The following GPR137B variants were observed in gnomAD, a reference collection of about 807,000 sequenced individuals.
The protein encoded by GPR137B is G protein-coupled receptor 137B.
A neutral mutation model predicts 42.5 loss-of-function variants in GPR137B; 42 were observed. The ratio of observed to expected loss-of-function variants is 0.99; its 90% CI spans 0.77 to 1.28. GPR137B has a LOEUF of 1.28. GPR137B is among the 50% of genes most tolerant of loss of function. The probability of loss-of-function intolerance (pLI) is 0.00; values close to 1 mark genes in which losing one functional copy is unlikely to be tolerated. For synonymous variants in GPR137B, 218 were observed against 209.7 expected, an observed-to-expected ratio of 1.04 and a Z score of -0.34; for missense variants, 487 against 493.9, an observed-to-expected ratio of 0.99 and a Z score of 0.13.
At chr1:236,144,414 AAACAAACG>A (rs1437721819) in intron 1 of GPR137B, among the ~76,000 whole-genome samples, 1 of 103,110 alleles carries the variant, frequency 9.7e-6, no homozygotes, top group Non-Finnish European at 1.9e-5. Flanking sequence ...TGTCTCAAAA[AAACAAACG>A]AACAAACAAA....
rs751497511 is a variant in GPR137B at position 236,205,953 on chromosome 1, A to G, written c.1091+703A>G. On this transcript the variant is annotated intron_variant, in intron 6 of 6. Transcript: ENST00000366592. ...CTATGGAATCACTCAATGGAACATG[A>G]TATCTTTAATCACATGTTCTAAAGC... Among the ~76,000 whole-genome samples the G allele has an allele frequency of 2.6e-5, 4 of 152,362 alleles. No individual in the cohort carries two copies. The South Asian group carries it at 6.2e-4, about 24-fold the overall frequency.
chr1:236,188,652 T>G (rs1310774543), intron 5 of GPR137B, among the ~76,000 whole-genome samples: 4 of 152,176 alleles, frequency 2.6e-5, no homozygotes, highest in Non-Finnish European at 5.9e-5. Flanking sequence ...ACCAGCCTTC[T>G]ATCCCAGATA....
intron 5 of GPR137B, among the ~76,000 whole-genome samples, chr1:236,202,464 C>G (rs569946125): frequency 6.6e-6 from 1 of 152,144 alleles, no homozygotes; most frequent in Non-Finnish European, 1.5e-5. Flanking sequence ...TTCCAAGTGT[C>G]TGTGAATTCC....
chr1:236,169,204 G>GCAGGTACAGGTACAGGTA (rs1491443810), intron 2 of GPR137B, among the ~76,000 whole-genome samples: 5 of 138,886 alleles, frequency 3.6e-5, no homozygotes, highest in Non-Finnish European at 7.4e-5. Context: ...AGGTGCAGGT[G>GCAGGTACAGGTACAGGTA]CAGGTGCAGG....
intron 6 of GPR137B, chr1:236,207,379 T>C: frequency 1.7e-6 from 1 of 585,480 alleles, no homozygotes; most frequent in Non-Finnish European, 2.2e-6. Flanking sequence ...TCCTTAAAAC[T>C]GTTCTTTTCC....
intron 1 of GPR137B, among the ~76,000 whole-genome samples, chr1:236,147,197 G>A (rs1029972623): frequency 2.0e-5 from 3 of 152,204 alleles, no homozygotes; most frequent in African/African-American, 7.2e-5. Context: ...AGGGCTTGGT[G>A]CAGAGGGTGT....
At position 236,156,007 on chromosome 1, in the gene GPR137B, A is replaced by G. The variant is rs905232125; in HGVS notation, c.415-12699A>G. Among the ~76,000 whole-genome samples the G allele has an allele frequency of 6.6e-6, 1 of 152,216 alleles. No individual in the cohort carries two copies. Among genetic ancestry groups the G allele is most frequent in the Middle Eastern group, 3.4e-3 (1 of 294 alleles). On this transcript the variant is annotated intron_variant, in intron 1 of 6. Transcript: ENST00000366592. This position sits in a 1 kb window ranked among gnomAD's most constrained non-coding sequence, Gnocchi z 4.8. ...CGCGCGCGCAAACACACATGCATAC[A>G]CCTGAGGAAGGATCATAGGCGCCAG...
At chr1:236,153,362 A>G (rs1661928747) in intron 1 of GPR137B, among the ~76,000 whole-genome samples, 1 of 152,200 alleles carries the variant, frequency 6.6e-6, no homozygotes, top group Non-Finnish European at 1.5e-5. Flanking sequence ...TTCATATCAA[A>G]GGAATCATAC....
At chr1:236,178,158 CCAA>C (rs1479939780) in intron 2 of GPR137B, among the ~76,000 whole-genome samples, 1 of 152,128 alleles carries the variant, frequency 6.6e-6, no homozygotes, top group Non-Finnish European at 1.5e-5. Context: ...TCCACGCCAG[CCAA>C]CGAGTGTGAG....
intron 2 of GPR137B, among the ~76,000 whole-genome samples, chr1:236,176,222 C>A (rs556951672): frequency 1.6e-4 from 25 of 152,172 alleles, no homozygotes; most frequent in Admixed American, 3.3e-4. Flanking sequence ...AGAATCTGTC[C>A]ATGGCAAATC....
intron 1 of GPR137B, 85 bp from the exon 2 acceptor site, chr1:236,168,621 G>C (rs1213866998): frequency 1.0e-6 from 1 of 993,784 alleles, no homozygotes; most frequent in Admixed American, 1.7e-5. Context: ...GGGGATGAAG[G>C]GGCAGAGGAA....
Position 236,199,788 on chromosome 1 carries a change from T to C in GPR137B, c.967-5338T>C, listed in dbSNP as rs553646988. 1.8e-4 allele frequency among the ~76,000 whole-genome samples: 27 copies of C among 152,186 alleles called. No homozygotes were observed. The East Asian group carries it at 5.0e-3, about 28-fold the overall frequency. ...ACTAATGGTCTATCAATTTTGTTTA[T>C]CTTTTCAAAGAATCAGCTTTTTGTT... On this transcript the variant is annotated intron_variant, in intron 5 of 6. Coordinates refer to ENST00000366592, the MANE Select transcript of GPR137B (RefSeq NM_003272.4).
intron 4 of GPR137B, among the ~76,000 whole-genome samples, chr1:236,182,913 C>T (rs2385203): frequency 0.11 from 16,781 of 151,746 alleles, 1,127 homozygotes; most frequent in East Asian, 0.21. Flanking sequence ...CTTACTTGTG[C>T]GGAATCAAAA....
At chr1:236,168,810 G>C in intron 2 of GPR137B, 55 bp downstream of exon 2, 1 of 1,207,314 alleles carries the variant, frequency 8.3e-7, no homozygotes, top group Non-Finnish European at 1.2e-6. Flanking sequence ...GCCGACACAT[G>C]AATCTCATCT....
At position 236,143,078 on chromosome 1, in the gene GPR137B, G is replaced by T. The variant is rs761879658; in HGVS notation, c.414+42G>T. 8 of 1,549,352 alleles carry T rather than the reference G, an allele frequency of 5.2e-6. No homozygotes were observed. The South Asian group carries it at 9.6e-5, about 19-fold the overall frequency. The stretch of plus-strand genomic sequence containing the variant: ...CTCCTGGAGGCGCTCACCTGGCGGG[G>T]TGGTCCCCGCGGGGCGCCCGAGGCA... On this transcript the variant is annotated intron_variant, in intron 1 of 6. Transcript: ENST00000366592.
At chr1:236,176,919 T>G (rs1662706282) in intron 2 of GPR137B, among the ~76,000 whole-genome samples, 1 of 152,040 alleles carries the variant, frequency 6.6e-6, no homozygotes, top group Non-Finnish European at 1.5e-5. Context: ...GATAAGTCTG[T>G]GAAGTTAAAA....
intron 1 of GPR137B, among the ~76,000 whole-genome samples, chr1:236,168,382 C>T (rs1041449764): frequency 7.4e-5 from 11 of 148,662 alleles, no homozygotes; most frequent in Non-Finnish European, 1.3e-4. Context: ...GAGATGGCGC[C>T]ATTGCACTCC....
At position 236,171,853 on chromosome 1, in the gene GPR137B, T is replaced by C. The variant is rs111489765; in HGVS notation, c.464+3098T>C. Among the ~76,000 whole-genome samples the C allele has an allele frequency of 6.7e-3, 1,013 of 152,290 alleles. 11 individuals carry two copies. Among genetic ancestry groups the C allele is most frequent in the Non-Finnish European group, 0.011 (727 of 68,014 alleles). ...TGAGATCAGGAGTTTGAGACCATCCTGGCCAACATGGTGAAATCCCACTAA... is the reference window on the plus strand; with the variant it reads ...TGAGATCAGGAGTTTGAGACCATCCCGGCCAACATGGTGAAATCCCACTAA... On this transcript the variant is annotated intron_variant, in intron 2 of 6. Transcript: ENST00000366592. This position sits in a 1 kb window ranked among gnomAD's most constrained non-coding sequence, Gnocchi z 4.4.
In GPR137B at chr1:236,180,008, T is replaced by G. The variant is rs1219853642; in HGVS notation, c.817T>G (p.Trp273Gly). ...NKSVHSFDYDWYNVSDQADLK... is the reference protein window; with the variant it reads ...NKSVHSFDYDGYNVSDQADLK... ...GAGCGTCCATTCCTTTGATTATGAC[T>G]GGTACAATGTATCAGACCAGGTCAG... is the stretch of plus-strand genomic sequence containing the variant. Residue 273 changes from tryptophan to glycine, a missense_variant, in exon 4 of 7, where the codon TGG (tryptophan) becomes GGG (glycine). Transcript: ENST00000366592. The G allele has an allele frequency of 6.2e-7, 1 of 1,613,806 alleles. No individual in the cohort carries two copies. The highest frequency in any genetic ancestry group is 8.5e-7 in the Non-Finnish European group (1 of 1,179,722).
Sources: gnomAD v4.1 joint callset for allele counts (sites outside exome capture counted in the v4.1 genomes callset) on GRCh38, gnomAD v4.1.1 for gene constraint, Gnocchi (gnomAD v3.1) non-coding constraint, MANE v1.5 for transcripts, NCBI Gene and HGNC (gene_info 2026-07-23, HGNC 2026-07-21) for gene names.